OPCML: variants seen among roughly 807,000 people sequenced by gnomAD.
OPCML encodes the protein opioid binding protein/cell adhesion molecule like.
In OPCML, 13 loss-of-function variants were observed where a neutral mutation model predicts 37.8. That is an observed-to-expected ratio of 0.34 (90% CI 0.22 to 0.55). OPCML has a LOEUF of 0.55. Ranked by LOEUF, OPCML falls within the 20% of genes least tolerant of loss-of-function variation. The pLI is 0.91. For synonymous variants in OPCML, 176 were observed against 168.8 expected (o/e 1.04, Z -0.33); for missense variants, 341 against 435.6 (o/e 0.78, Z 1.93).
chr11:132,630,834 A>G (rs903876076), intron 3 of OPCML, among the ~76,000 whole-genome samples: 5 of 152,224 alleles, frequency 3.3e-5, no homozygotes, highest in Admixed American at 3.3e-4. Flanking sequence ...TAACAGATTC[A>G]TTCATTTTTA....
At chr11:132,691,664 C>T (rs1293872816) in intron 2 of OPCML, among the ~76,000 whole-genome samples, 1 of 152,158 alleles carries the variant, frequency 6.6e-6, no homozygotes, top group African/African-American at 2.4e-5. Flanking sequence ...ATTTTTTCAT[C>T]CTGTTAGCAA....
rs577567826 is a variant in OPCML at position 133,020,637 on chromosome 11, G to A, written c.62-77627C>T. Among the ~76,000 whole-genome samples, 11 of 152,232 alleles carry A rather than the reference G, an allele frequency of 7.2e-5. No individual in the cohort carries two copies. In the South Asian group the frequency reaches 1.9e-3, roughly 26 times the overall value. ...GAACTCAGGATTAGAGAAAAAGTGA[G>A]TAAAGAGGGGGGATTTTCAAGATGG... On this transcript the variant is annotated intron_variant, in intron 1 of 7. Transcript: ENST00000524381.
intron 1 of OPCML, among the ~76,000 whole-genome samples, chr11:133,218,589 A>T (rs550471701): frequency 6.6e-6 from 1 of 152,286 alleles, no homozygotes; most frequent in South Asian, 2.1e-4. Context: ...TACTGGCTGC[A>T]TCCAGGGTCC....
intron 1 of OPCML, among the ~76,000 whole-genome samples, chr11:133,470,583 A>ATT (rs1947084244): frequency 6.6e-6 from 1 of 152,136 alleles, no homozygotes; most frequent in Non-Finnish European, 1.5e-5. Flanking sequence ...TGCCACCCTG[A>ATT]CCAGTGGTAG....
At chr11:133,106,361 G>A (rs1365536318) in intron 1 of OPCML, among the ~76,000 whole-genome samples, 1 of 152,204 alleles carries the variant, frequency 6.6e-6, no homozygotes, top group East Asian at 1.9e-4. Context: ...ATGCTCTTTA[G>A]AGTACATGGA....
intron 2 of OPCML, among the ~76,000 whole-genome samples, chr11:132,698,599 T>C (rs976199874): frequency 2.4e-4 from 37 of 152,246 alleles, no homozygotes; most frequent in East Asian, 1.9e-4. Flanking sequence ...CTTCACTCTG[T>C]TGATTATTTT....
intron 1 of OPCML, among the ~76,000 whole-genome samples, chr11:133,482,365 A>G (rs1849266621): frequency 6.6e-6 from 1 of 152,204 alleles, no homozygotes; most frequent in African/African-American, 2.4e-5. Flanking sequence ...CCTTGTTAGC[A>G]TATCTGGTTC....
chr11:132,609,372 G>T (rs1347156512), intron 3 of OPCML, among the ~76,000 whole-genome samples: 1 of 152,156 alleles, frequency 6.6e-6, no homozygotes, highest in Non-Finnish European at 1.5e-5. Flanking sequence ...TTCGAAGGCC[G>T]TGTTCTTTCC....
At chr11:133,317,834 T>TTA (rs1943241162) in intron 1 of OPCML, among the ~76,000 whole-genome samples, 1 of 152,232 alleles carries the variant, frequency 6.6e-6, no homozygotes, top group African/African-American at 2.4e-5. Context: ...GTACCACCAG[T>TTA]GGTAGCGTGT....
At chr11:133,021,258 C>G (rs993911603) in intron 1 of OPCML, among the ~76,000 whole-genome samples, 2 of 152,070 alleles carry the variant, frequency 1.3e-5, no homozygotes, top group African/African-American at 4.8e-5. Flanking sequence ...ATGTTTTTGC[C>G]CAATTTTTTA....
At chr11:133,054,152 A>C (rs1330780846) in intron 1 of OPCML, among the ~76,000 whole-genome samples, 5 of 152,106 alleles carry the variant, frequency 3.3e-5, no homozygotes, top group African/African-American at 9.7e-5. Context: ...TTCCCACCTG[A>C]GTCCAGGCAT....
intron 3 of OPCML, among the ~76,000 whole-genome samples, chr11:132,564,473 A>G (rs7950942): frequency 0.71 from 108,642 of 152,140 alleles, 39,145 homozygotes; most frequent in African/African-American, 0.79. Flanking sequence ...TCTCTCCATC[A>G]TTTTTCTTAT....
intron 3 of OPCML, among the ~76,000 whole-genome samples, chr11:132,643,028 G>T (rs1369887240): frequency 4.6e-5 from 7 of 152,198 alleles, no homozygotes; most frequent in African/African-American, 1.7e-4. Flanking sequence ...AAGGAGGGTG[G>T]CATAGGGTGA....
chr11:133,350,711 A>G (rs1944116590), intron 1 of OPCML, among the ~76,000 whole-genome samples: 1 of 152,234 alleles, frequency 6.6e-6, no homozygotes. Context: ...AAATGAATGT[A>G]GATTAGACAA....
intron 2 of OPCML, among the ~76,000 whole-genome samples, chr11:132,854,434 C>A (rs562273916): frequency 6.6e-6 from 1 of 152,272 alleles, no homozygotes; most frequent in African/African-American, 2.4e-5. Context: ...TAGGTCCTCT[C>A]CCCTCCCTCC....
intron 1 of OPCML, among the ~76,000 whole-genome samples, chr11:133,441,024 T>C (rs957895601): frequency 4.0e-5 from 6 of 151,544 alleles, no homozygotes; most frequent in Non-Finnish European, 7.4e-5. Context: ...AATTTGAGGG[T>C]TTTACAGATA....
chr11:132,717,408 T>C (rs1340591690), intron 2 of OPCML, among the ~76,000 whole-genome samples: 1 of 152,174 alleles, frequency 6.6e-6, no homozygotes, highest in Non-Finnish European at 1.5e-5. Context: ...CAATATTTTA[T>C]AAGCTGAAAA....
chr11:133,069,361 T>C (rs898861636), intron 1 of OPCML, among the ~76,000 whole-genome samples: 3 of 152,206 alleles, frequency 2.0e-5, no homozygotes, highest in Non-Finnish European at 4.4e-5. Context: ...AAATTACTCA[T>C]GTTTTAGTGC....
intron 3 of OPCML, among the ~76,000 whole-genome samples, chr11:132,539,680 T>C (rs1313704905): frequency 6.6e-6 from 1 of 152,022 alleles, no homozygotes; most frequent in Non-Finnish European, 1.5e-5. Context: ...ATTATGGTGA[T>C]GGTGGTAATG....
Sources: gnomAD v4.1 joint callset for allele counts (sites outside exome capture counted in the v4.1 genomes callset) on GRCh38, gnomAD v4.1.1 for gene constraint, MANE v1.5 for transcripts, NCBI Gene and HGNC (gene_info 2026-07-23, HGNC 2026-07-21) for gene names.